The following NPHP4 variants were observed in gnomAD, a reference collection of about 807,000 sequenced individuals.
NPHP4 encodes the protein nephrocystin 4.
NPHP4 carries 151 observed loss-of-function variants against 155.8 expected under a neutral mutation model. The ratio of observed to expected loss-of-function variants is 0.97; its 90% CI spans 0.85 to 1.11. NPHP4 has a LOEUF of 1.11. Among genes scored for constraint, NPHP4 ranks in the 50% least tolerant of loss-of-function variants. The pLI, the probability that NPHP4 is intolerant of heterozygous loss-of-function variation, is 0.00. For missense variants in NPHP4, 1,956 were observed against 1,925.7 expected (o/e 1.02, Z -0.29); for synonymous variants, 845 against 816.8 (o/e 1.03, Z -0.59).
intron 7 of NPHP4, among the ~76,000 whole-genome samples, chr1:5,949,049 C>A (rs1170135933): frequency 2.0e-5 from 3 of 152,114 alleles, no homozygotes; most frequent in Non-Finnish European, 4.4e-5. Context: ...TAAAACTATG[C>A]AGATAACTGA....
rs982252915 is a variant in NPHP4, at chr1:5,867,606, T to G, written c.3472+134A>C. 1.1e-6 allele frequency: 1 copy of G among 878,286 alleles called. No individual in the cohort carries two copies. The highest frequency in any genetic ancestry group is 2.5e-5 in the Admixed American group (1 of 39,494). 54.4% of individuals were successfully genotyped at this position (878,286 alleles called of 1,614,324 possible). On this transcript the variant is annotated intron_variant, in intron 24 of 29. Transcript: ENST00000378156. The surrounding 1 kb of genome is among the most constrained non-coding windows in gnomAD (Gnocchi z 4.1). Reference sequence around the variant, plus strand: ...CAAACCATAAAGGCAGGAGAGAGAATTCCCCAGGCCCCACGTGCTGCTCTG... The same window carrying G: ...CAAACCATAAAGGCAGGAGAGAGAAGTCCCCAGGCCCCACGTGCTGCTCTG...
At chr1:5,927,621 G>A in intron 11 of NPHP4, 28 bp downstream of exon 11, 2 of 1,581,326 alleles carry the variant, frequency 1.3e-6, no homozygotes, top group Non-Finnish European at 1.7e-6. Flanking sequence ...CCATGTGCCT[G>A]GCCAGTCAGC....
In NPHP4 at chr1:5,879,525, C is replaced by T. The variant is rs906930332; in HGVS notation, c.2611+589G>A. The T allele has an allele frequency of 2.1e-5, 11 of 519,000 alleles. No individual in the cohort carries two copies. In the Admixed American group the frequency reaches 2.1e-4, roughly 10 times the overall value. The allele number at this position is 519,000 out of a possible 1,614,324, so 32.1% of individuals were successfully genotyped here. On this transcript the variant is annotated intron_variant, in intron 19 of 29. Coordinates refer to ENST00000378156, the MANE Select transcript of NPHP4 (RefSeq NM_015102.5). ...GAAAATCAGTCTATGTTCCTCCTGA[C>T]CTTCTCTCCATTTCTCCTTCCCTTG...
At chr1:5,970,232 G>C (rs2174122) in intron 3 of NPHP4, among the ~76,000 whole-genome samples, 5 of 152,272 alleles carry the variant, frequency 3.3e-5, no homozygotes, top group African/African-American at 1.2e-4. Context: ...GGCCTGGGGT[G>C]GTGGCTCGCA....
chr1:5,969,308 A>C, intron 3 of NPHP4, 49 bp from the exon 4 acceptor site: 1 of 1,333,512 alleles, frequency 7.5e-7, no homozygotes, highest in Non-Finnish European at 1.0e-6. Flanking sequence ...GACACACACA[A>C]AGAGGACATG....
At chr1:5,945,917 G>A (rs186349663) in intron 9 of NPHP4, among the ~76,000 whole-genome samples, 10 of 152,210 alleles carry the variant, frequency 6.6e-5, no homozygotes, top group Admixed American at 2.6e-4. Context: ...CCCCCAGGGC[G>A]TGAATCATCC....
chr1:5,929,574 T>C (rs1646174702), intron 10 of NPHP4, among the ~76,000 whole-genome samples: 1 of 152,208 alleles, frequency 6.6e-6, no homozygotes, highest in Admixed American at 6.5e-5. Flanking sequence ...TTTCCTTCTT[T>C]AGGCTGTTAC....
At chr1:5,979,062 G>C (rs879305414) in intron 2 of NPHP4, among the ~76,000 whole-genome samples, 1 of 149,464 alleles carries the variant, frequency 6.7e-6, no homozygotes, top group Non-Finnish European at 1.5e-5. Context: ...GCGGCAGCCA[G>C]AGTGTAGACA....
At position 5,944,379 on chromosome 1, in the gene NPHP4, C is replaced by T. The variant is rs540809235; in HGVS notation, c.1119+2725G>A. ...AGACGGGGTGGCTGAGGTGGGAGGG[C>T]CCTGCCACAGCCCGCCCTGGGCCTT... On this transcript the variant is annotated intron_variant, in intron 9 of 29. Transcript: ENST00000378156. This position sits in a 1 kb window ranked among gnomAD's most constrained non-coding sequence, Gnocchi z 4.3. 1.4e-4 allele frequency among the ~76,000 whole-genome samples: 22 copies of T among 152,332 alleles called. No homozygotes were observed. The highest frequency in any genetic ancestry group is 7.2e-4 in the Admixed American group (11 of 15,300).
In NPHP4 at chr1:5,862,906, C is replaced by A. The variant is rs1640794137; in HGVS notation, c.*359G>T. The A allele has an allele frequency of 3.6e-6, 1 of 274,632 alleles. No homozygotes were observed. Among genetic ancestry groups the A allele is most frequent in the Non-Finnish European group, 7.1e-6 (1 of 140,858 alleles). 17.0% of individuals were successfully genotyped at this position (274,632 alleles called of 1,614,324 possible). A position where few individuals can be genotyped will look rare whatever the true frequency, so the allele number is the denominator to read the frequency against. Reference sequence around the variant, plus strand: ...TAGCAAATAATAGATTATGTTTGTACAAAATCCAGTAAGAAAAACATAATT... The same window carrying A: ...TAGCAAATAATAGATTATGTTTGTAAAAAATCCAGTAAGAAAAACATAATT... On this transcript the variant is annotated 3_prime_UTR_variant, in exon 30 of 30. Coordinates refer to ENST00000378156, the MANE Select transcript of NPHP4 (RefSeq NM_015102.5).
chr1:5,895,257 C>A (rs1161974550), intron 16 of NPHP4, among the ~76,000 whole-genome samples: 2 of 152,062 alleles, frequency 1.3e-5, no homozygotes, highest in Non-Finnish European at 2.9e-5. Flanking sequence ...GGGTGCAGCA[C>A]ACCAACATGG....
chr1:5,976,213 G>A (rs1412373002), intron 3 of NPHP4, among the ~76,000 whole-genome samples: 1 of 152,116 alleles, frequency 6.6e-6, no homozygotes, highest in East Asian at 1.9e-4. Flanking sequence ...GGAATAAGCT[G>A]GTGGAGTTAT....
chr1:5,866,421 G>A lies in NPHP4; in HGVS notation c.3596C>T (p.Ala1199Val). ...TTTGATCTCCGGGCTTGGACCACTG[G>A]CCACCTTCAGAAATATGTCCCGTGG... ...GEPRDIFLKV[A>V]SGPSPEIKDF... The change falls in exon 26 of 30, where the codon GCC becomes GTC. Residue 1199 changes from alanine (A) to valine (V), a missense_variant. Physicochemically the swap from Ala to Val is moderately conservative, Grantham distance 64. Coordinates refer to ENST00000378156, the MANE Select transcript of NPHP4 (RefSeq NM_015102.5). 1 of 1,607,852 alleles carries A rather than the reference G, an allele frequency of 6.2e-7. No individual in the cohort carries two copies. The highest frequency in any genetic ancestry group is 1.1e-5 in the South Asian group (1 of 89,728).
chr1:5,904,457 A>G (rs886647390), intron 16 of NPHP4, among the ~76,000 whole-genome samples, 160 bp downstream of exon 16: 5 of 152,214 alleles, frequency 3.3e-5, no homozygotes, highest in African/African-American at 1.2e-4. Context: ...GGCAGCTGAG[A>G]GCTGCTGGGG....
rs1036932278 is a variant in NPHP4, at chr1:5,969,266, A to C, written c.280-7T>G. ...ATGTGTGAAAATACAAGGGCTGCAG[A>C]ACAGAAGCCAGAGGATGGTCTGAGT... is the stretch of plus-strand genomic sequence containing the variant. On this transcript the variant is annotated splice_polypyrimidine_tract_variant and splice_region_variant and intron_variant, in intron 3 of 29. Transcript: ENST00000378156. The C allele has an allele frequency of 1.3e-6, 2 of 1,533,990 alleles. No individual in the cohort carries two copies. The highest frequency in any genetic ancestry group is 8.8e-7 in the Non-Finnish European group (1 of 1,130,806).
At chr1:5,877,046 A>T in intron 20 of NPHP4, 47 bp downstream of exon 20, 2 of 1,234,700 alleles carry the variant, frequency 1.6e-6, no homozygotes, top group Non-Finnish European at 2.1e-6. Context: ...ACAGTGACTC[A>T]GTCTGCATGG....
intron 5 of NPHP4, 125 bp downstream of exon 5, chr1:5,967,174 T>C (rs529601841): frequency 4.2e-5 from 32 of 753,342 alleles, no homozygotes; most frequent in Non-Finnish European, 6.6e-5. Flanking sequence ...CAAAACCTCT[T>C]AGATAAATTA....
intron 9 of NPHP4, among the ~76,000 whole-genome samples, chr1:5,937,381 A>G (rs2101803683): frequency 6.6e-6 from 1 of 152,362 alleles, no homozygotes; most frequent in African/African-American, 2.4e-5. Flanking sequence ...TACAGAAGCC[A>G]CTGGAAAGTC....
At chr1:5,969,343 G>T (rs996738327) in intron 3 of NPHP4, 84 bp from the exon 4 acceptor site, 2 of 835,104 alleles carry the variant, frequency 2.4e-6, no homozygotes. Flanking sequence ...CCCCGAGACC[G>T]CCTTCCTACA....
Sources: gnomAD v4.1 joint callset for allele counts (sites outside exome capture counted in the v4.1 genomes callset) on GRCh38, gnomAD v4.1.1 for gene constraint, Gnocchi (gnomAD v3.1) non-coding constraint, MANE v1.5 for transcripts, NCBI Gene and HGNC (gene_info 2026-07-23, HGNC 2026-07-21) for gene names.